Variants in NR2F1-AS1 observed in about 807,000 individuals in gnomAD.
The protein encoded by NR2F1-AS1 is NR2F1 antisense RNA 1.
chr5:93,542,965 G>T (rs1296241505), intron 4 of NR2F1-AS1: 1 of 152,302 alleles, frequency 6.6e-6, no homozygotes, highest in Non-Finnish European at 1.5e-5. Context: ...AGCAGAGGAG[G>T]AAAGAAAAGA....
intron 4 of NR2F1-AS1, among the ~76,000 whole-genome samples, chr5:93,537,794 T>C (rs1751868989): frequency 6.6e-6 from 1 of 152,192 alleles, no homozygotes; most frequent in Non-Finnish European, 1.5e-5. Flanking sequence ...ATCCCACTAC[T>C]GGATATACAG....
upstream of NR2F1-AS1, among the ~76,000 whole-genome samples, chr5:93,581,877 T>TCTCTC (rs1272305326): frequency 1.6e-4 from 10 of 62,872 alleles, no homozygotes; most frequent in African/African-American, 2.8e-4. Context: ...TCCTCTCTCC[T>TCTCTC]CTCTCTCTCG....
chr5:93,482,083 T>C (rs1378646349), intron 4 of NR2F1-AS1, among the ~76,000 whole-genome samples: 1 of 151,594 alleles, frequency 6.6e-6, no homozygotes, highest in East Asian at 1.9e-4. Flanking sequence ...AGAAAAACTA[T>C]AGAGAAAAAT....
chr5:93,552,126 T>C (rs1282896612), intron 4 of NR2F1-AS1, among the ~76,000 whole-genome samples: 1 of 152,208 alleles, frequency 6.6e-6, no homozygotes, highest in African/African-American at 2.4e-5. Flanking sequence ...ATTTAAAACA[T>C]AGTCTTTGTA....
At chr5:93,517,166 T>A (rs538509106) in intron 4 of NR2F1-AS1, among the ~76,000 whole-genome samples, 52 of 152,124 alleles carry the variant, frequency 3.4e-4, no homozygotes, top group Non-Finnish European at 6.0e-4. Flanking sequence ...TTTGTAGTTA[T>A]CCTCAGGTTC....
intron 4 of NR2F1-AS1, among the ~76,000 whole-genome samples, chr5:93,416,651 CA>C (rs1419800177): frequency 6.6e-6 from 1 of 152,068 alleles, no homozygotes; most frequent in African/African-American, 2.4e-5. Flanking sequence ...ACCATTTTTA[CA>C]AATTGGAAAA....
chr5:93,416,851 GTGGTTTATTTAAAAAAAAA>G (rs1469046618), intron 4 of NR2F1-AS1, among the ~76,000 whole-genome samples: 1 of 151,978 alleles, frequency 6.6e-6, no homozygotes, highest in East Asian at 1.9e-4. Flanking sequence ...AAACTCTAAA[GTGGTTTATTTAAAAAAAAA>G]GTATTTAAAA....
intron 4 of NR2F1-AS1, among the ~76,000 whole-genome samples, chr5:93,498,707 G>T (rs1397332066): frequency 6.6e-6 from 1 of 151,902 alleles, no homozygotes; most frequent in Non-Finnish European, 1.5e-5. Context: ...GAAAGCAACA[G>T]GGAAGACACA....
upstream of NR2F1-AS1, chr5:93,584,214 G>T (rs1753181772): frequency 6.7e-6 from 1 of 148,186 alleles, no homozygotes; most frequent in South Asian, 2.1e-4. Context: ...CTGCGGCCCC[G>T]ACTCCTGCTC....
intron 4 of NR2F1-AS1, among the ~76,000 whole-genome samples, chr5:93,512,093 G>A (rs1410068209): frequency 6.6e-6 from 1 of 152,150 alleles, no homozygotes; most frequent in African/African-American, 2.4e-5. Context: ...TCCTTCAGGA[G>A]ATATTCCAAA....
chr5:93,473,180 C>T (rs948765065), intron 4 of NR2F1-AS1, among the ~76,000 whole-genome samples: 1 of 151,684 alleles, frequency 6.6e-6, no homozygotes, highest in Non-Finnish European at 1.5e-5. Flanking sequence ...GGAATAAAAA[C>T]AATATGTTAC....
At chr5:93,512,437 G>C (rs779630786) in intron 4 of NR2F1-AS1, among the ~76,000 whole-genome samples, 19 of 152,082 alleles carry the variant, frequency 1.2e-4, no homozygotes, top group African/African-American at 4.3e-4. Context: ...AAGTAAAAAC[G>C]TTAATTTATC....
chr5:93,571,162 G>T (rs1371467074), intron 1 of NR2F1-AS1: 2 of 152,066 alleles, frequency 1.3e-5, no homozygotes, highest in Non-Finnish European at 2.9e-5. Context: ...GGCACCTTAG[G>T]ACCCTGGCGG....
chr5:93,579,019 G>C lies in NR2F1-AS1; in HGVS notation n.313+1448C>G, dbSNP rs1378337656. Among the ~76,000 whole-genome samples, 1 of 152,154 alleles carries C rather than the reference G, an allele frequency of 6.6e-6. No homozygotes were observed. The highest frequency in any genetic ancestry group is 1.5e-5 in the Non-Finnish European group (1 of 68,028). ...GCCTCTAGGGAAGACATTTTTGCTGGAGGCAGGGCTATGAGCACAAGTGGG... is the reference window on the plus strand; with the variant it reads ...GCCTCTAGGGAAGACATTTTTGCTGCAGGCAGGGCTATGAGCACAAGTGGG... On this transcript the variant is annotated intron_variant and non_coding_transcript_variant, in intron 1 of 5. Coordinates refer to ENST00000660523, the Ensembl canonical transcript of NR2F1-AS1. This position sits in a 1 kb window ranked among gnomAD's most constrained non-coding sequence, Gnocchi z 5.1.
At chr5:93,538,934 A>C (rs910769181) in intron 4 of NR2F1-AS1, among the ~76,000 whole-genome samples, 2 of 152,174 alleles carry the variant, frequency 1.3e-5, no homozygotes, top group African/African-American at 4.8e-5. Context: ...CTTATAGACA[A>C]TGTTAAGGGA....
rs150433109 is a variant in NR2F1-AS1 at position 93,536,418 on chromosome 5, T to C, written n.638+17343A>G. Among the ~76,000 whole-genome samples the C allele has an allele frequency of 1.4e-4, 21 of 152,098 alleles. No homozygotes were observed. In the South Asian group the frequency reaches 1.5e-3, roughly 11 times the overall value. On this transcript the variant is annotated intron_variant and non_coding_transcript_variant, in intron 4 of 5. Coordinates refer to ENST00000660523, the Ensembl canonical transcript of NR2F1-AS1. ...GTCAAAATACCAATGACATTTTTCA[T>C]GGAAATAGAAAAAAAAATCCTGAAA...
intron 4 of NR2F1-AS1, chr5:93,432,310 A>G (rs1025005999): frequency 1.1e-4 from 16 of 152,216 alleles, no homozygotes; most frequent in African/African-American, 3.6e-4. Flanking sequence ...GTGGTCATTA[A>G]TTCTACTGAA....
intron 1 of NR2F1-AS1, among the ~76,000 whole-genome samples, chr5:93,572,289 C>T (rs1291401646): frequency 1.3e-5 from 2 of 152,216 alleles, no homozygotes; most frequent in African/African-American, 4.8e-5. Flanking sequence ...CTGTTCCCGC[C>T]GGCCACTTGA....
At chr5:93,576,622 C>A (rs1752901305) in intron 1 of NR2F1-AS1, among the ~76,000 whole-genome samples, 1 of 152,028 alleles carries the variant, frequency 6.6e-6, no homozygotes, top group East Asian at 1.9e-4. Flanking sequence ...GCTTTTTGAG[C>A]CAATACTTTT....
Sources: gnomAD v4.1 joint callset for allele counts (sites outside exome capture counted in the v4.1 genomes callset) on GRCh38, gnomAD v4.1.1 for gene constraint, Gnocchi (gnomAD v3.1) non-coding constraint, MANE v1.5 for transcripts, NCBI Gene and HGNC (gene_info 2026-07-23, HGNC 2026-07-21) for gene names.